PLXNA4: variants seen among roughly 807,000 people sequenced by gnomAD.
PLXNA4 encodes the protein plexin-A4.
In PLXNA4, 44 loss-of-function variants were observed where a neutral mutation model predicts 191.8. The ratio of observed to expected loss-of-function variants is 0.23; its 90% confidence interval spans 0.18 to 0.29. The LOEUF is 0.29. Among genes scored for constraint, PLXNA4 ranks in the 10% least tolerant of loss-of-function variants. PLXNA4 has a pLI of 1.00. For synonymous variants in PLXNA4, 1,082 were observed against 1,009.5 expected, an observed-to-expected ratio of 1.07 and a Z score of -1.36; for missense variants, 1,800 against 2,488.8, an observed-to-expected ratio of 0.72 and a Z score of 5.89.
At chr7:132,566,362 G>A (rs1370408371) in intron 1 of PLXNA4, among the ~76,000 whole-genome samples, 2 of 152,000 alleles carry the variant, frequency 1.3e-5, no homozygotes, top group Non-Finnish European at 1.5e-5. Flanking sequence ...CAGTGAAAAC[G>A]CTTTCCATGG....
chr7:132,385,266 A>T, intron 3 of PLXNA4: 1 of 1,614,020 alleles, frequency 6.2e-7, no homozygotes, highest in Non-Finnish European at 8.5e-7. Flanking sequence ...TCTGTAGCTC[A>T]AGGGTAGGGC....
chr7:132,260,055 C>T (rs539478949), intron 4 of PLXNA4, among the ~76,000 whole-genome samples: 8 of 152,218 alleles, frequency 5.3e-5, no homozygotes, highest in African/African-American at 7.2e-5. Context: ...GATGCACTAT[C>T]GGTGGGAGTG....
intron 2 of PLXNA4, among the ~76,000 whole-genome samples, chr7:132,592,957 G>T (rs533970131): frequency 6.6e-6 from 1 of 151,710 alleles, no homozygotes; most frequent in Non-Finnish European, 1.5e-5. Flanking sequence ...GTTTAGAGGA[G>T]GTCCCCCACA....
intron 3 of PLXNA4, among the ~76,000 whole-genome samples, chr7:132,319,842 G>T (rs1168005313): frequency 6.6e-6 from 1 of 152,216 alleles, no homozygotes; most frequent in Non-Finnish European, 1.5e-5. Context: ...GCAGTACCAT[G>T]CTTCCCCACC....
At chr7:132,294,885 C>T (rs553217096) in intron 4 of PLXNA4, among the ~76,000 whole-genome samples, 8 of 152,260 alleles carry the variant, frequency 5.3e-5, no homozygotes, top group African/African-American at 1.9e-4. Context: ...AGAAGGTGGC[C>T]ATCTGCAAGC....
chr7:132,579,431 G>A (rs1279981366), upstream of PLXNA4, among the ~76,000 whole-genome samples: 1 of 150,210 alleles, frequency 6.7e-6, no homozygotes, highest in Non-Finnish European at 1.5e-5. Context: ...GTATTTGTGT[G>A]TGTGTGCGTG....
At chr7:132,561,715 CCT>C (rs1801101168) in intron 1 of PLXNA4, among the ~76,000 whole-genome samples, 1 of 139,494 alleles carries the variant, frequency 7.2e-6, no homozygotes, top group Non-Finnish European at 1.5e-5. Context: ...TCCTCCTCCT[CCT>C]TCTCCTCCTC....
At chr7:132,391,895 G>A (rs1169224588) in intron 3 of PLXNA4, among the ~76,000 whole-genome samples, 1 of 152,162 alleles carries the variant, frequency 6.6e-6, no homozygotes, top group African/African-American at 2.4e-5. Flanking sequence ...GGGAGGCTGA[G>A]GCAGGTGGAT....
chr7:132,537,773 T>C (rs115146074), intron 1 of PLXNA4, among the ~76,000 whole-genome samples: 1,731 of 152,238 alleles, frequency 0.011, 41 homozygotes, highest in African/African-American at 0.04. Context: ...CTGGTAAGAA[T>C]GGGAGCTGGG....
At chr7:132,372,627 C>T (rs1379417586) in intron 3 of PLXNA4, among the ~76,000 whole-genome samples, 3 of 152,238 alleles carry the variant, frequency 2.0e-5, no homozygotes, top group Non-Finnish European at 4.4e-5. Flanking sequence ...TCCCACACCT[C>T]ACACACTGGA....
intron 19 of PLXNA4, 57 bp from the exon 20 acceptor site, chr7:132,179,978 C>T: frequency 6.5e-7 from 1 of 1,532,508 alleles, no homozygotes; most frequent in Admixed American, 1.9e-5. Flanking sequence ...GCTTTGGCAA[C>T]AGTCCCAAGT....
chr7:132,521,939 G>C (rs1799204523), intron 1 of PLXNA4, among the ~76,000 whole-genome samples: 1 of 152,208 alleles, frequency 6.6e-6, no homozygotes, highest in Admixed American at 6.5e-5. Flanking sequence ...CATGTTGGTA[G>C]AGGGCCCAGG....
At chr7:132,247,726 T>C (rs6944400) in intron 4 of PLXNA4, among the ~76,000 whole-genome samples, 62,170 of 151,926 alleles carry the variant, frequency 0.41, 13,460 homozygotes, top group East Asian at 0.6. Flanking sequence ...AAAGGTTTTG[T>C]GGAGTCTCCC....
chr7:132,553,170 T>C (rs545166143), intron 1 of PLXNA4, among the ~76,000 whole-genome samples: 1 of 152,314 alleles, frequency 6.6e-6, no homozygotes, highest in East Asian at 1.9e-4. Context: ...TGCAGATGCG[T>C]CCTGAGATAT....
chr7:132,368,645 C>T (rs1804294376), intron 3 of PLXNA4, among the ~76,000 whole-genome samples: 1 of 152,220 alleles, frequency 6.6e-6, no homozygotes, highest in Non-Finnish European at 1.5e-5. Flanking sequence ...GCGCGTCCTG[C>T]TGGGCTCAAA....
At chr7:132,216,978 A>G (rs1328668986) in intron 9 of PLXNA4, among the ~76,000 whole-genome samples, 1 of 152,122 alleles carries the variant, frequency 6.6e-6, no homozygotes, top group Admixed American at 6.5e-5. Context: ...AAAGAACCCA[A>G]CTCCCTCGGA....
At chr7:132,629,514 A>C (rs1414665691) in intron 2 of PLXNA4, among the ~76,000 whole-genome samples, 3 of 152,208 alleles carry the variant, frequency 2.0e-5, no homozygotes, top group Admixed American at 6.5e-5. Context: ...TGAGGTCCTG[A>C]CCTGCATATT....
rs772967267 is a variant in PLXNA4, at chr7:132,508,148, C to T, written c.546G>A (p.Lys182=). 1.2e-6 allele frequency: 2 copies of T among 1,614,118 alleles called. No individual in the cohort carries two copies. Among genetic ancestry groups the T allele is most frequent in the Admixed American group, 1.7e-5 (1 of 60,004 alleles). The change falls in exon 2 of 32, where the codon AAG becomes AAA. Residue 182 remains lysine, a synonymous_variant. Coordinates refer to ENST00000321063, the MANE Select transcript of PLXNA4 (RefSeq NM_020911.2). The surrounding 1 kb of genome is among the most constrained non-coding windows in gnomAD (Gnocchi z 4.4). ...VIVSYSNLDD[K]LFIATAVDGK... ...CATCCACTGCCGTGGCAATGAACAG[C>T]TTGTCATCCAGGTTGCTGTAGGAGA...
At chr7:132,595,877 C>A (rs1233222159) in intron 2 of PLXNA4, among the ~76,000 whole-genome samples, 1 of 152,160 alleles carries the variant, frequency 6.6e-6, no homozygotes, top group African/African-American at 2.4e-5. Context: ...ACTTCTGGAC[C>A]CTTCAGCAAA....
Sources: allele counts gnomAD v4.1 joint callset (sites outside exome capture counted in the v4.1 genomes callset), GRCh38; gene constraint gnomAD v4.1.1; non-coding constraint Gnocchi (gnomAD v3.1); transcripts MANE v1.5; gene names NCBI Gene and HGNC (gene_info 2026-07-23, HGNC 2026-07-21).